The following TNC variants were observed in gnomAD, a reference collection of about 807,000 sequenced individuals.
TNC encodes tenascin.
TNC carries 109 observed loss-of-function variants against 202.4 expected under a neutral mutation model. The ratio of observed to expected loss-of-function variants is 0.54; its 90% CI spans 0.46 to 0.63. TNC has a LOEUF of 0.63. Ranked by LOEUF, TNC falls within the 30% of genes least tolerant of loss-of-function variation. The pLI, the probability that TNC is intolerant of heterozygous loss-of-function variation, is 0.00. For missense variants in TNC, 2,756 were observed against 2,833.3 expected (o/e 0.97, Z 0.62); for synonymous variants, 1,007 against 1,089.7 (o/e 0.92, Z 1.50).
At chr9:115,036,317 C>A in intron 20 of TNC, 76 bp from the exon 21 acceptor site, 1 of 1,523,918 alleles carries the variant, frequency 6.6e-7, no homozygotes, top group Non-Finnish European at 9.0e-7. Flanking sequence ...AAACCACATA[C>A]ACACCTCCTT....
intron 1 of TNC, among the ~76,000 whole-genome samples, chr9:115,116,808 T>C (rs1333340432): frequency 6.6e-6 from 1 of 152,140 alleles, no homozygotes; most frequent in East Asian, 1.9e-4. Context: ...AACCTCCTGC[T>C]TGTAAAATAC....
chr9:115,082,649 A>C (rs1703260478), intron 5 of TNC, 43 bp downstream of exon 5: 3 of 1,455,938 alleles, frequency 2.1e-6, no homozygotes, highest in Non-Finnish European at 2.9e-6. Flanking sequence ...GTCATCTTTC[A>C]AATCCTTGAG....
chr9:115,084,174 A>C, intron 4 of TNC, 35 bp downstream of exon 4: 1 of 1,601,498 alleles, frequency 6.2e-7, no homozygotes, highest in Non-Finnish European at 8.5e-7. Flanking sequence ...GGCTGACATC[A>C]GGTGAGGCTG....
intron 1 of TNC, among the ~76,000 whole-genome samples, chr9:115,100,922 A>T (rs1469517880): frequency 6.6e-6 from 1 of 152,204 alleles, no homozygotes; most frequent in Non-Finnish European, 1.5e-5. Context: ...AAAAATGCAT[A>T]TGAAAGTCTT....
At chr9:115,069,761 TCCCTCCCTCCCTC>T (rs1833309833) in intron 10 of TNC, among the ~76,000 whole-genome samples, 2 of 27,816 alleles carry the variant, frequency 7.2e-5, no homozygotes, top group African/African-American at 1.6e-4. Flanking sequence ...CCTCCCTCCC[TCCCTCCCTCCCTC>T]CCTTCCTTCC....
chr9:115,036,208 GT>G lies in TNC; in HGVS notation c.5545del (p.Thr1849GlnfsTer6). ...GAGGTCGGTCAGAGCATACTCCACT[GT>G]GTTCCCGGACACCGTGCGTGTAATT... The part of the protein sequence containing the change: ...PEITRTVSGN[T>X]VEYALTDLEP... On this transcript the variant is annotated frameshift_variant, in exon 21 of 28. Transcript: ENST00000350763. LOFTEE classifies it high-confidence loss of function. 6.2e-7 allele frequency: 1 copy of G among 1,614,150 alleles called. No individual in the cohort carries two copies. Among genetic ancestry groups the G allele is most frequent in the Non-Finnish European group, 8.5e-7 (1 of 1,180,012 alleles).
chr9:115,081,555 G>C (rs971512606), intron 6 of TNC, among the ~76,000 whole-genome samples: 1 of 152,170 alleles, frequency 6.6e-6, no homozygotes. Context: ...GATACATGAG[G>C]AGTGCAGTCA....
At chr9:115,075,896 GGGGCTAGAT>G in intron 9 of TNC, 127 bp downstream of exon 9, 1 of 697,808 alleles carries the variant, frequency 1.4e-6, no homozygotes, top group Non-Finnish European at 2.5e-6. Flanking sequence ...TTTCAACATT[GGGGCTAGAT>G]GGTACTACAG....
chr9:115,082,011 C>T, intron 5 of TNC, 83 bp from the exon 6 acceptor site: 1 of 1,328,250 alleles, frequency 7.5e-7, no homozygotes, highest in East Asian at 2.4e-5. Flanking sequence ...TGCATTCATT[C>T]ATTCCTCTGT....
At position 115,031,671 on chromosome 9, in the gene TNC, A is replaced by G. The variant is rs1184764434; in HGVS notation, c.5802T>C (p.Gly1934=). ...VDGTVKEVIV[G]PDTTSYSLAD... is the part of the protein sequence containing the mutation. ...CCAGGCTGTAGGAGGTGGTATCTGG[A>G]CCCACAATGACTTCCTAAGAGCAGA... The change falls in exon 23 of 28, where the codon GGT becomes GGC. Residue 1934 remains glycine, a synonymous_variant. Transcript: ENST00000350763. 6.2e-7 allele frequency: 1 copy of G among 1,609,996 alleles called. No individual in the cohort carries two copies. Among genetic ancestry groups the G allele is most frequent in the Non-Finnish European group, 8.5e-7 (1 of 1,178,440 alleles).
intron 1 of TNC, among the ~76,000 whole-genome samples, chr9:115,105,047 T>A (rs932907206): frequency 1.3e-4 from 20 of 152,208 alleles, no homozygotes; most frequent in African/African-American, 4.8e-4. Context: ...AATGGAATCC[T>A]GCTTGAGTGG....
Position 115,048,337 on chromosome 9 carries a change from C to T in TNC, c.4775G>A (p.Gly1592Asp). 1 of 1,613,986 alleles carries T rather than the reference C, an allele frequency of 6.2e-7. No individual in the cohort carries two copies. The highest frequency in any genetic ancestry group is 8.5e-7 in the Non-Finnish European group (1 of 1,179,944). ...RKLELRGLITGIGYEVMVSGF... is the reference protein window; with the variant it reads ...RKLELRGLITDIGYEVMVSGF... Reference sequence around the variant, plus strand: ...AGAGACCATAACCTCATAGCCAATGCCAGTTATGAGGCCTCTAAGCTCCAG... The same window carrying T: ...AGAGACCATAACCTCATAGCCAATGTCAGTTATGAGGCCTCTAAGCTCCAG... Residue 1592 changes from glycine to aspartate, a missense_variant, in exon 16 of 28, where the codon GGC becomes GAC. Around this residue, in one of 2 missense-constraint regions of TNC, gnomAD observed 2,559 missense variants for 2,546.0 expected, o/e 1.01. Coordinates refer to ENST00000350763, the MANE Select transcript of TNC (RefSeq NM_002160.4).
At chr9:115,044,554 C>G (rs1486960598) in intron 17 of TNC, among the ~76,000 whole-genome samples, 1 of 151,894 alleles carries the variant, frequency 6.6e-6, no homozygotes, top group Non-Finnish European at 1.5e-5. Flanking sequence ...AAATTCAATT[C>G]ATGATTATTC....
Position 115,090,659 on chromosome 9 carries a change from C to T in TNC, c.360G>A (p.Lys120=). The T allele has an allele frequency of 6.2e-7, 1 of 1,614,068 alleles. No homozygotes were observed. The highest frequency in any genetic ancestry group is 8.5e-7 in the Non-Finnish European group (1 of 1,179,910). The part of the protein sequence containing the change: ...ACGCAAAPDV[K]ELLSRLEELE... ...GCTCCTCCAGTCTGCTCAGCAGCTC[C>T]TTAACATCAGGGGCTGCGGCACAGC... is the stretch of plus-strand genomic sequence containing the variant. Residue 120 remains lysine (K), a synonymous_variant, in exon 2 of 28, where the codon AAG becomes AAA. Coordinates refer to ENST00000350763, the MANE Select transcript of TNC (RefSeq NM_002160.4).
At chr9:115,083,727 C>G (rs1222869654) in intron 4 of TNC, among the ~76,000 whole-genome samples, 1 of 151,844 alleles carries the variant, frequency 6.6e-6, no homozygotes, top group Non-Finnish European at 1.5e-5. Context: ...GCCTCAGCCT[C>G]CTGAGTAGCC....
intron 18 of TNC, among the ~76,000 whole-genome samples, chr9:115,041,558 T>C (rs1186571896): frequency 6.6e-6 from 1 of 152,218 alleles, no homozygotes; most frequent in Non-Finnish European, 1.5e-5. Context: ...TGTTTATTAA[T>C]AAACACAGAA....
chr9:115,028,827 C>CT (rs912759233), intron 25 of TNC, among the ~76,000 whole-genome samples: 2 of 142,320 alleles, frequency 1.4e-5, no homozygotes, highest in Admixed American at 7.4e-5. Context: ...CTGCTTTTTT[C>CT]TTTTTTTTAT....
chr9:115,055,429 T>TCC (rs1379025285), intron 15 of TNC: 5 of 152,644 alleles, frequency 3.3e-5, no homozygotes, highest in African/African-American at 1.2e-4. Flanking sequence ...TGGAAAGCTA[T>TCC]TCAGAGGAAA....
intron 11 of TNC, 132 bp downstream of exon 11, chr9:115,064,515 G>A (rs117763003): frequency 2.2e-5 from 26 of 1,166,894 alleles, no homozygotes; most frequent in Admixed American, 4.6e-5. Flanking sequence ...TGATGGCCTC[G>A]TGTCACAATT....
Sources: gnomAD v4.1 joint callset for allele counts (sites outside exome capture counted in the v4.1 genomes callset) on GRCh38, gnomAD v4.1.1 for gene constraint, gnomAD v4.1.1 regional missense constraint, MANE v1.5 for transcripts, NCBI Gene and HGNC (gene_info 2026-07-23, HGNC 2026-07-21) for gene names.